CYRIB: variants seen among roughly 807,000 people sequenced by gnomAD.
The protein encoded by CYRIB is CYFIP-related Rac1 interactor B.
CYRIB carries 8 observed loss-of-function variants against 44.2 expected under a neutral mutation model. The observed-to-expected ratio is 0.18, with a 90% CI of 0.11 to 0.33. The LOEUF (loss-of-function observed/expected upper bound fraction) is 0.33, where lower values mean the gene tolerates loss of function less well. Among genes scored for constraint, CYRIB ranks in the 10% least tolerant of loss-of-function variants. The probability of loss-of-function intolerance (pLI) is 1.00; values close to 1 mark genes in which losing one functional copy is unlikely to be tolerated. For missense variants in CYRIB, 185 were observed against 382.8 expected (o/e 0.48, Z 4.31); for synonymous variants, 131 against 127.2 (o/e 1.03, Z -0.20).
chr8:129,883,617 C>A (rs1192425658), intron 2 of CYRIB, among the ~76,000 whole-genome samples: 3 of 151,952 alleles, frequency 2.0e-5, no homozygotes, highest in African/African-American at 7.2e-5. Flanking sequence ...AACAAACAAA[C>A]AAACAAAAAA....
chr8:129,974,396 A>AT (rs1056641451), intron 1 of CYRIB, among the ~76,000 whole-genome samples: 14 of 152,164 alleles, frequency 9.2e-5, no homozygotes, highest in African/African-American at 3.1e-4. Flanking sequence ...TGCAAGTCGA[A>AT]TGGAAGCTTT....
At chr8:129,875,803 A>ACATCAC (rs1467308444) in intron 3 of CYRIB, among the ~76,000 whole-genome samples, 2 of 152,036 alleles carry the variant, frequency 1.3e-5, no homozygotes, top group East Asian at 3.9e-4. Flanking sequence ...CCCAATTCAA[A>ACATCAC]CATCACCATC....
intron 10 of CYRIB, among the ~76,000 whole-genome samples, chr8:129,849,036 T>C (rs59478650): frequency 0.023 from 3,513 of 152,236 alleles, 144 homozygotes; most frequent in African/African-American, 0.077. Flanking sequence ...CTAGACAATA[T>C]AGTCATCCTT....
intron 2 of CYRIB, chr8:129,949,218 C>T (rs2094364292): frequency 6.6e-6 from 1 of 152,072 alleles, no homozygotes; most frequent in African/African-American, 2.4e-5. Context: ...CATTAGAAGA[C>T]AAAAGGATTT....
At chr8:129,901,614 T>C (rs1237610158) in intron 2 of CYRIB, 1 of 152,224 alleles carries the variant, frequency 6.6e-6, no homozygotes, top group Non-Finnish European at 1.5e-5. Context: ...AGGTTCTTAA[T>C]ATGGGGAGTC....
Position 129,928,439 on chromosome 8 carries a change from C to A in CYRIB, c.-50+11169G>T, listed in dbSNP as rs576331374. On this transcript the variant is annotated intron_variant, in intron 1 of 11. Transcript: ENST00000519824. Reference sequence around the variant, plus strand: ...ATACAAAATATATAAAGAACTCTTACAACTCTGTAAGAAGACAACCCAATT... The same window carrying A: ...ATACAAAATATATAAAGAACTCTTAAAACTCTGTAAGAAGACAACCCAATT... Among the ~76,000 whole-genome samples the A allele has an allele frequency of 9.9e-5, 15 of 151,528 alleles. No individual in the cohort carries two copies. The South Asian group carries it at 2.9e-3, about 29-fold the overall frequency.
At chr8:130,001,096 A>G (rs1391861393) in intron 1 of CYRIB, among the ~76,000 whole-genome samples, 1 of 152,194 alleles carries the variant, frequency 6.6e-6, no homozygotes, top group African/African-American at 2.4e-5. Flanking sequence ...ATCACACACC[A>G]TAAGAGTCTG....
At chr8:129,890,872 AAC>A (rs762069945) in intron 2 of CYRIB, among the ~76,000 whole-genome samples, 14 of 152,126 alleles carry the variant, frequency 9.2e-5, no homozygotes, top group Non-Finnish European at 1.9e-4. Context: ...TACACTCTGC[AAC>A]AGAGTGAGAA....
chr8:129,917,521 C>G (rs985298909), intron 1 of CYRIB, among the ~76,000 whole-genome samples: 17 of 152,154 alleles, frequency 1.1e-4, no homozygotes, highest in Non-Finnish European at 1.2e-4. Context: ...ACACAAAGAT[C>G]TCAGGCTGAC....
intron 1 of CYRIB, among the ~76,000 whole-genome samples, chr8:129,906,874 G>T (rs1406772643): frequency 6.6e-6 from 1 of 152,176 alleles, no homozygotes; most frequent in African/African-American, 2.4e-5. Context: ...GGCCATCAGA[G>T]AAATGCAAAT....
intron 2 of CYRIB, among the ~76,000 whole-genome samples, chr8:129,968,939 A>G (rs186514460): frequency 4.0e-5 from 6 of 150,754 alleles, no homozygotes; most frequent in Non-Finnish European, 5.9e-5. Flanking sequence ...CTCAGGCTCT[A>G]TAGCTTCTGT....
intron 2 of CYRIB, among the ~76,000 whole-genome samples, chr8:129,951,804 T>C (rs575262540): frequency 3.9e-5 from 6 of 152,342 alleles, no homozygotes; most frequent in Admixed American, 1.3e-4. Flanking sequence ...TCCATAACAT[T>C]TGTCACCTCC....
intron 1 of CYRIB, among the ~76,000 whole-genome samples, chr8:129,993,162 G>T (rs924929979): frequency 3.3e-5 from 5 of 150,546 alleles, no homozygotes; most frequent in Admixed American, 2.6e-4. Context: ...AGGCCAAGGC[G>T]GGTGGATCAC....
chr8:129,972,001 C>A (rs1409111103), intron 1 of CYRIB, among the ~76,000 whole-genome samples: 1 of 152,162 alleles, frequency 6.6e-6, no homozygotes, highest in Non-Finnish European at 1.5e-5. Flanking sequence ...TTTTCTCTGG[C>A]CTTTATTCTG....
chr8:129,948,348 G>A (rs969603799), intron 2 of CYRIB, among the ~76,000 whole-genome samples: 2 of 152,182 alleles, frequency 1.3e-5, no homozygotes, highest in African/African-American at 4.8e-5. Context: ...CCACCATGCT[G>A]ACTGATGCTG....
Position 129,875,322 on chromosome 8 carries a change from T to C in CYRIB, c.74-3826A>G, listed in dbSNP as rs182303975. On this transcript the variant is annotated intron_variant, in intron 3 of 11. Coordinates refer to ENST00000519824, the Ensembl canonical transcript of CYRIB. ...CTCTGCTACTCAAGGTGGAGTGCAG[T>C]AGAGCAAATCACAGCTCACTGCAAG... 7.2e-4 allele frequency among the ~76,000 whole-genome samples: 110 copies of C among 152,050 alleles called. 1 individual carries two copies. Among genetic ancestry groups the C allele is most frequent in the African/African-American group, 2.5e-3 (105 of 41,466 alleles).
intron 2 of CYRIB, chr8:129,880,474 G>T (rs2060452891): frequency 3.1e-6 from 3 of 982,432 alleles, no homozygotes; most frequent in Non-Finnish European, 3.6e-6. Context: ...AATAAAAATG[G>T]CAACATCATT....
rs540391785 is a variant in CYRIB at position 130,010,751 on chromosome 8, G to T, written c.-296+5619C>A. ...CTAAGCTAACTTGGAAACCTCCAGG[G>T]TCATGTAGAGATTTGCACCATCAGC... On this transcript the variant is annotated intron_variant, in intron 1 of 14. Transcript: ENST00000401979. Among the ~76,000 whole-genome samples the T allele has an allele frequency of 2.0e-5, 3 of 152,216 alleles. No individual in the cohort carries two copies. In the South Asian group the frequency reaches 6.2e-4, roughly 32 times the overall value.
chr8:129,975,285 G>A (rs936295658), intron 1 of CYRIB, among the ~76,000 whole-genome samples: 5 of 152,138 alleles, frequency 3.3e-5, no homozygotes, highest in Non-Finnish European at 7.3e-5. Context: ...CAAAGTGCTG[G>A]GATTACAGGC....
Sources: allele counts gnomAD v4.1 joint callset (sites outside exome capture counted in the v4.1 genomes callset), GRCh38; gene constraint gnomAD v4.1.1; transcripts MANE v1.5; gene names NCBI Gene and HGNC (gene_info 2026-07-23, HGNC 2026-07-21).